The following ZFPM1 variants were observed in gnomAD, a reference collection of about 807,000 sequenced individuals.
ZFPM1 encodes zinc finger protein ZFPM1.
In ZFPM1, 28 loss-of-function variants were observed where a neutral mutation model predicts 46.3. The observed-to-expected ratio is 0.60, with a 90% CI of 0.45 to 0.83. The LOEUF (loss-of-function observed/expected upper bound fraction) is 0.83. Among genes scored for constraint, ZFPM1 ranks in the 40% least tolerant of loss-of-function variants. The pLI, the probability that ZFPM1 is intolerant of heterozygous loss-of-function variation, is 0.00. For synonymous variants in ZFPM1, 957 were observed against 675.9 expected (o/e 1.42, Z -6.45); for missense variants, 1,878 against 1,432.4 (o/e 1.31, Z -5.02).
chr16:88,531,236 GC>G (rs1182380181), intron 6 of ZFPM1, among the ~76,000 whole-genome samples: 17 of 152,216 alleles, frequency 1.1e-4, no homozygotes, highest in Non-Finnish European at 1.5e-5. Context: ...GGCAGATGGG[GC>G]AGGGCTCTGG....
chr16:88,515,339 C>T (rs1405662246), intron 4 of ZFPM1, among the ~76,000 whole-genome samples: 1 of 152,314 alleles, frequency 6.6e-6, no homozygotes, highest in East Asian at 1.9e-4. Flanking sequence ...AGGGCGTCCC[C>T]CTTTGCCAGG....
In ZFPM1 at chr16:88,534,478, C is replaced by T. The variant is rs1359196900; in HGVS notation, c.2520C>T (p.Cys840=). 1.4e-6 allele frequency: 2 copies of T among 1,481,262 alleles called. No homozygotes were observed. Among genetic ancestry groups the T allele is most frequent in the South Asian group, 1.2e-5 (1 of 80,852 alleles). The allele number at this position is 1,481,262 out of a possible 1,614,324, so 91.8% of individuals were successfully genotyped here. Residue 840 remains cysteine, a synonymous_variant, in exon 10 of 10, where the codon TGC becomes TGT. Transcript: ENST00000319555. ...EAYLAHKKYS[C]PAAPPPGALG... is the part of the protein sequence containing the mutation. ...ACCTGGCGCACAAGAAGTACTCGTG[C>T]CCCGCTGCGCCACCGCCCGGCGCGC...
Position 88,532,189 on chromosome 16 carries a change from C to G in ZFPM1, c.900C>G (p.Ser300Arg). The G allele has an allele frequency of 1.9e-6, 3 of 1,610,788 alleles. No individual in the cohort carries two copies. The highest frequency in any genetic ancestry group is 2.5e-6 in the Non-Finnish European group (3 of 1,178,456). ...RVCPFPQCRK[S>R]CPSASSLEIH... ...GCCCCTTCCCCCAGTGCCGCAAGAGCTGCCCCAGCGCCAGCTCCCTGGAGA... is the reference window on the plus strand; with the variant it reads ...GCCCCTTCCCCCAGTGCCGCAAGAGGTGCCCCAGCGCCAGCTCCCTGGAGA... The change falls in exon 7 of 10, where the codon AGC becomes AGG. Residue 300 changes from serine (S) to arginine (R), a missense_variant. Transcript: ENST00000319555.
intron 3 of ZFPM1, among the ~76,000 whole-genome samples, chr16:88,512,389 G>A (rs548869620): frequency 6.6e-6 from 1 of 152,312 alleles, no homozygotes; most frequent in South Asian, 2.1e-4. Context: ...GCACAGCAGT[G>A]TCTCAGGAAC....
intron 2 of ZFPM1, among the ~76,000 whole-genome samples, chr16:88,488,239 G>A (rs779224468): frequency 2.6e-5 from 4 of 152,084 alleles, no homozygotes; most frequent in South Asian, 2.1e-4. Context: ...GACCCGGGCC[G>A]GCTTCCCGGG....
In ZFPM1 at chr16:88,514,535, TC is replaced by T; in HGVS notation, c.402+19del. On this transcript the variant is annotated intron_variant, in intron 4 of 9. Transcript: ENST00000319555. The stretch of plus-strand genomic sequence containing the variant: ...AGGCGGAGCCGGTAAGAAGCCCCCA[TC>T]CCCGCCCCTGCCCGCCCACCCCAAT... 6.5e-7 allele frequency: 1 copy of T among 1,544,762 alleles called. No individual in the cohort carries two copies. Among genetic ancestry groups the T allele is most frequent in the Non-Finnish European group, 8.7e-7 (1 of 1,145,494 alleles).
At chr16:88,532,256 C>T (rs1312093695) in intron 7 of ZFPM1, 21 bp downstream of exon 7, 1 of 1,571,270 alleles carries the variant, frequency 6.4e-7, no homozygotes, top group African/African-American at 1.4e-5. Context: ...ACCCCGGACG[C>T]GGGTCCTCAG....
At position 88,471,629 on chromosome 16, in the gene ZFPM1, A is replaced by G. The variant is rs1908426725; in HGVS notation, c.41-14310A>G. On this transcript the variant is annotated intron_variant, in intron 1 of 9. Coordinates refer to ENST00000319555, the MANE Select transcript of ZFPM1 (RefSeq NM_153813.3). The surrounding 1 kb of genome is among the most constrained non-coding windows in gnomAD (Gnocchi z 4.1). ...TGGCTGTAGCGGCTCCCACTCACAG[A>G]GGTGGGGTCAGGGCCCCAAGATGAC... 6.6e-6 allele frequency among the ~76,000 whole-genome samples: 1 copy of G among 151,182 alleles called. No individual in the cohort carries two copies. Among genetic ancestry groups the G allele is most frequent in the African/African-American group, 2.4e-5 (1 of 41,014 alleles).
At chr16:88,511,234 C>CCTT (rs1910943508) in intron 3 of ZFPM1, among the ~76,000 whole-genome samples, 2 of 152,168 alleles carry the variant, frequency 1.3e-5, no homozygotes, top group South Asian at 4.1e-4. Context: ...AAGGCCAAGG[C>CCTT]TGTGGCATGC....
Position 88,534,680 on chromosome 16 carries a change from G to A in ZFPM1, c.2722G>A (p.Ala908Thr). 1 of 984,638 alleles carries A rather than the reference G, an allele frequency of 1.0e-6. No homozygotes were observed. Among genetic ancestry groups the A allele is most frequent in the Non-Finnish European group, 1.2e-6 (1 of 832,694 alleles). The allele number at this position is 984,638 out of a possible 1,614,324, so 61.0% of individuals were successfully genotyped here. A position where few individuals can be genotyped will look rare whatever the true frequency, so the allele number is the denominator to read the frequency against. ...CCCCTCGCCCGCTCCCGCCCCCGCC[G>A]CCTCCCCGCAGCCCGGGTCCCGTGG... ...RGPSPAPAPA[A>T]SPQPGSRGPR... Residue 908 changes from alanine (A) to threonine (T), a missense_variant, in exon 10 of 10, where the codon GCC becomes ACC. Ala to Thr is a moderately conservative substitution (Grantham distance 58, BLOSUM62 0). Transcript: ENST00000319555.
Position 88,497,030 on chromosome 16 carries a change from T to G in ZFPM1, c.268+7877T>G, listed in dbSNP as rs549799753. ...GGAGCCGCACACACCTGCTCCTGGC[T>G]CGCTCCACCCGTAAGTGCCTCAGGA... On this transcript the variant is annotated intron_variant, in intron 3 of 9. Coordinates refer to ENST00000319555, the MANE Select transcript of ZFPM1 (RefSeq NM_153813.3). This position sits in a 1 kb window ranked among gnomAD's most constrained non-coding sequence, Gnocchi z 5.4. 1.1e-4 allele frequency among the ~76,000 whole-genome samples: 16 copies of G among 152,324 alleles called. No individual in the cohort carries two copies. The East Asian group carries it at 3.1e-3, about 29-fold the overall frequency.
intron 4 of ZFPM1, among the ~76,000 whole-genome samples, chr16:88,518,200 GT>G (rs1911480706): frequency 6.7e-6 from 1 of 150,034 alleles, no homozygotes; most frequent in Non-Finnish European, 1.5e-5. Flanking sequence ...GCGAGACTCC[GT>G]CTCAAAAAAA....
In ZFPM1 at chr16:88,466,988, G is replaced by A. The variant is rs113665093; in HGVS notation, c.40+13310G>A. On this transcript the variant is annotated intron_variant, in intron 1 of 9. Transcript: ENST00000319555. The stretch of plus-strand genomic sequence containing the variant: ...GGCGGTGGTATTAATGGGGGGACAC[G>A]AGCCGGGGCGAGGGTCCCTGGGGTG... 3.1e-3 allele frequency among the ~76,000 whole-genome samples: 477 copies of A among 152,142 alleles called. 3 individuals are homozygous for A. The highest frequency in any genetic ancestry group is 0.011 in the African/African-American group (452 of 41,482).
chr16:88,511,780 G>A (rs780029975), intron 3 of ZFPM1, among the ~76,000 whole-genome samples: 1 of 152,192 alleles, frequency 6.6e-6, no homozygotes, highest in Non-Finnish European at 1.5e-5. Context: ...CACCTGGGGT[G>A]AGCTGGGGCT....
intron 4 of ZFPM1, among the ~76,000 whole-genome samples, chr16:88,522,478 C>T (rs1018517601): frequency 1.3e-5 from 2 of 152,328 alleles, no homozygotes; most frequent in Admixed American, 6.5e-5. Flanking sequence ...CAGGACCGGC[C>T]GTTTGGCTCC....
At chr16:88,461,851 G>A (rs564887466) in intron 1 of ZFPM1, among the ~76,000 whole-genome samples, 4 of 152,308 alleles carry the variant, frequency 2.6e-5, no homozygotes, top group African/African-American at 9.6e-5. Flanking sequence ...CGTTGGCACT[G>A]GCCAACCCAT....
chr16:88,494,568 T>C (rs1033197548), intron 3 of ZFPM1, among the ~76,000 whole-genome samples: 8 of 151,996 alleles, frequency 5.3e-5, no homozygotes, highest in African/African-American at 1.9e-4. Flanking sequence ...AGGGGGCTGA[T>C]TCCAGGAGGG....
chr16:88,504,944 G>A (rs1239828549), intron 3 of ZFPM1, among the ~76,000 whole-genome samples: 2 of 152,202 alleles, frequency 1.3e-5, no homozygotes, highest in African/African-American at 4.8e-5. Flanking sequence ...CAGGAGAGCT[G>A]GGCCCCACCC....
intron 4 of ZFPM1, among the ~76,000 whole-genome samples, chr16:88,524,409 G>T (rs1242432312): frequency 2.0e-5 from 3 of 152,206 alleles, no homozygotes; most frequent in Admixed American, 2.0e-4. Flanking sequence ...CTGGCGTGCA[G>T]TTCCTGAGCC....
Sources: allele counts gnomAD v4.1 joint callset (sites outside exome capture counted in the v4.1 genomes callset), GRCh38; gene constraint gnomAD v4.1.1; non-coding constraint Gnocchi (gnomAD v3.1); transcripts MANE v1.5; gene names NCBI Gene and HGNC (gene_info 2026-07-23, HGNC 2026-07-21).